The following GNAO1 variants were observed in gnomAD, a reference collection of about 807,000 sequenced individuals.
GNAO1 encodes the protein G protein subunit alpha o1.
For missense variants in GNAO1, 166 were observed against 478.7 expected (o/e 0.35, Z 6.10); for synonymous variants, 164 against 180.7 (o/e 0.91, Z 0.74).
intron 3 of GNAO1, among the ~76,000 whole-genome samples, chr16:56,320,180 T>C (rs2143628605): frequency 6.6e-6 from 1 of 152,262 alleles, no homozygotes; most frequent in South Asian, 2.1e-4. Context: ...TTCAGAAATA[T>C]ACAGTCCCAG....
chr16:56,287,233 T>C (rs2037181641), intron 3 of GNAO1, among the ~76,000 whole-genome samples: 1 of 152,162 alleles, frequency 6.6e-6, no homozygotes, highest in Admixed American at 6.5e-5. Context: ...AGGCCTCCAC[T>C]AGAAGTCAGG....
At chr16:56,283,155 C>T (rs1028997218) in intron 3 of GNAO1, among the ~76,000 whole-genome samples, 2 of 152,214 alleles carry the variant, frequency 1.3e-5, no homozygotes, top group African/African-American at 4.8e-5. Flanking sequence ...CTATTACAAC[C>T]TCCTTGCTTC....
At chr16:56,208,713 A>G (rs1277146810) in intron 2 of GNAO1, among the ~76,000 whole-genome samples, 3 of 152,184 alleles carry the variant, frequency 2.0e-5, no homozygotes, top group Middle Eastern at 3.2e-3. Flanking sequence ...TTTACTTTAC[A>G]TAGTCTAGAT....
chr16:56,311,174 G>C lies in GNAO1; in HGVS notation c.304-17457G>C, dbSNP rs1183532510. Among the ~76,000 whole-genome samples the C allele has an allele frequency of 5.3e-5, 8 of 151,050 alleles. No homozygotes were observed. Among genetic ancestry groups the C allele is most frequent in the African/African-American group, 1.7e-4 (7 of 41,062 alleles). ...TACCCTGGCCAGGGTGTGGGGCTTGGGGGTGGAGATGGGGGAGAGAGGCAT... is the reference window on the plus strand; with the variant it reads ...TACCCTGGCCAGGGTGTGGGGCTTGCGGGTGGAGATGGGGGAGAGAGGCAT... On this transcript the variant is annotated intron_variant, in intron 3 of 8. Transcript: ENST00000262493. This position sits in a 1 kb window ranked among gnomAD's most constrained non-coding sequence, Gnocchi z 5.2.
intron 3 of GNAO1, among the ~76,000 whole-genome samples, chr16:56,279,215 G>A (rs2037092138): frequency 6.6e-6 from 1 of 152,156 alleles, no homozygotes; most frequent in South Asian, 2.1e-4. Flanking sequence ...CCTAGAACAG[G>A]TAGGTGTCCC....
intron 4 of GNAO1, among the ~76,000 whole-genome samples, chr16:56,329,804 G>C (rs1029171434): frequency 1.3e-5 from 2 of 152,120 alleles, no homozygotes; most frequent in Non-Finnish European, 2.9e-5. Context: ...GCCTCCAGGG[G>C]ACATTCAGCA....
chr16:56,254,036 T>C (rs1199667447), intron 2 of GNAO1, among the ~76,000 whole-genome samples: 2 of 152,134 alleles, frequency 1.3e-5, no homozygotes, highest in Non-Finnish European at 2.9e-5. Flanking sequence ...TTTTTTTTAT[T>C]AAACATACAT....
At position 56,343,825 on chromosome 16, in the gene GNAO1, T is replaced by C. The variant is rs915713881; in HGVS notation, c.723+6965T>C. ...GGCCCAGTACGAGAGCAAGAACAAG[T>C]CAGCCCACAAAGAGATCTACACCCA... On this transcript the variant is annotated intron_variant, in intron 6 of 8. Transcript: ENST00000262493. The C allele has an allele frequency of 1.1e-5, 17 of 1,533,674 alleles. No individual in the cohort carries two copies. Among genetic ancestry groups the C allele is most frequent in the Middle Eastern group, 3.4e-4 (2 of 5,890 alleles).
intron 6 of GNAO1, chr16:56,345,987 GTCCAGGCCTCCAA>G: frequency 2.0e-6 from 2 of 985,482 alleles, no homozygotes; most frequent in Non-Finnish European, 2.4e-6. Flanking sequence ...ACCAGGCTGG[GTCCAGGCCTCCAA>G]TCCAGGCCTT....
chr16:56,195,001 A>G (rs1244454318), intron 2 of GNAO1, among the ~76,000 whole-genome samples: 1 of 151,540 alleles, frequency 6.6e-6, no homozygotes, highest in South Asian at 2.1e-4. Flanking sequence ...AGGAGGGGGG[A>G]AAATGAAGTG....
intron 3 of GNAO1, among the ~76,000 whole-genome samples, chr16:56,277,921 C>T (rs2143525871): frequency 6.6e-6 from 1 of 152,200 alleles, no homozygotes; most frequent in South Asian, 2.1e-4. Context: ...CTGATTATAA[C>T]CCAGCAAAGT....
At chr16:56,267,724 T>C (rs1332430388) in intron 2 of GNAO1, among the ~76,000 whole-genome samples, 1 of 152,214 alleles carries the variant, frequency 6.6e-6, no homozygotes, top group African/African-American at 2.4e-5. Flanking sequence ...ACTTCTTTCA[T>C]ATTGTTCTTC....
At chr16:56,347,786 C>G in intron 6 of GNAO1, 1 of 890,008 alleles carries the variant, frequency 1.1e-6, no homozygotes. Flanking sequence ...CCCTTTCCCT[C>G]CTCTCCCCTC....
intron 3 of GNAO1, among the ~76,000 whole-genome samples, chr16:56,318,806 T>C (rs2037541137): frequency 6.6e-6 from 1 of 152,224 alleles, no homozygotes; most frequent in African/African-American, 2.4e-5. Flanking sequence ...TCTGAGGCAT[T>C]TCATCTTTGC....
chr16:56,325,306 A>G (rs1416227769), intron 3 of GNAO1, among the ~76,000 whole-genome samples: 1 of 152,188 alleles, frequency 6.6e-6, no homozygotes, highest in Non-Finnish European at 1.5e-5. Context: ...GAGAAACCCC[A>G]TCTCTACTAA....
chr16:56,295,015 C>T (rs570713120), intron 3 of GNAO1, among the ~76,000 whole-genome samples: 1 of 151,786 alleles, frequency 6.6e-6, no homozygotes, highest in Non-Finnish European at 1.5e-5. Context: ...GATACAAGTT[C>T]CTTGTCAGTT....
intron 4 of GNAO1, among the ~76,000 whole-genome samples, chr16:56,330,634 C>T (rs2037679527): frequency 6.6e-6 from 1 of 152,230 alleles, no homozygotes; most frequent in African/African-American, 2.4e-5. Flanking sequence ...ATAGTATTTA[C>T]TGCCACCCAC....
At chr16:56,252,288 C>T (rs763325517) in intron 2 of GNAO1, among the ~76,000 whole-genome samples, 1 of 152,224 alleles carries the variant, frequency 6.6e-6, no homozygotes, top group East Asian at 1.9e-4. Flanking sequence ...AGTCTTCTGA[C>T]TCCAAGTCCC....
chr16:56,204,750 T>G (rs1043304107), intron 2 of GNAO1, among the ~76,000 whole-genome samples: 1 of 152,092 alleles, frequency 6.6e-6, no homozygotes. Flanking sequence ...CTCAAAAAAT[T>G]TTTATGGTAG....
Sources: gnomAD v4.1 joint callset for allele counts (sites outside exome capture counted in the v4.1 genomes callset) on GRCh38, gnomAD v4.1.1 for gene constraint, Gnocchi (gnomAD v3.1) non-coding constraint, MANE v1.5 for transcripts, NCBI Gene and HGNC (gene_info 2026-07-23, HGNC 2026-07-21) for gene names.